The following NCAM2 variants were observed in gnomAD, a reference collection of about 807,000 sequenced individuals.
NCAM2 encodes N-CAM-2.
NCAM2 carries 30 observed loss-of-function variants against 98.1 expected under a neutral mutation model. The ratio of observed to expected loss-of-function variants is 0.31; its 90% CI spans 0.23 to 0.41. NCAM2 has a LOEUF of 0.41. Ranked by LOEUF, NCAM2 falls within the 10% of genes least tolerant of loss-of-function variation. The pLI is 1.00. For synonymous variants in NCAM2, 368 were observed against 342.4 expected, an observed-to-expected ratio of 1.07 and a Z score of -0.83; for missense variants, 867 against 1,005.8, an observed-to-expected ratio of 0.86 and a Z score of 1.87.
rs117174149 is a variant in NCAM2, at chr21:21,297,807, C to T, written c.619+5566C>T. 1.4e-3 allele frequency among the ~76,000 whole-genome samples: 219 copies of T among 151,442 alleles called. 2 individuals carry two copies. The East Asian group carries it at 0.034, about 23-fold the overall frequency. On this transcript the variant is annotated intron_variant, in intron 5 of 17. Transcript: ENST00000400546. ...CTTAAAATACAGTCAGTAGAGTGTT[C>T]ATTTTATAAAATGTTCTTCTAACGT...
intron 9 of NCAM2, among the ~76,000 whole-genome samples, chr21:21,401,387 T>C (rs1386412672): frequency 6.6e-6 from 1 of 152,192 alleles, no homozygotes; most frequent in Non-Finnish European, 1.5e-5. Flanking sequence ...TGTCATCTTA[T>C]TGGGTAATAC....
intron 1 of NCAM2, among the ~76,000 whole-genome samples, chr21:21,190,505 G>A (rs533584110): frequency 6.6e-6 from 1 of 152,304 alleles, no homozygotes; most frequent in South Asian, 2.1e-4. Flanking sequence ...GTTCGACTCT[G>A]AGTCTTCTTC....
chr21:21,087,476 G>C (rs1418230000), intron 1 of NCAM2, among the ~76,000 whole-genome samples: 1 of 152,106 alleles, frequency 6.6e-6, no homozygotes, highest in East Asian at 1.9e-4. Context: ...CTGATAACCT[G>C]TTCTCCTATT....
chr21:21,430,153 C>G (rs2077300514), intron 11 of NCAM2, among the ~76,000 whole-genome samples: 1 of 151,828 alleles, frequency 6.6e-6, no homozygotes, highest in Non-Finnish European at 1.5e-5. Context: ...TTCAGCCTCC[C>G]AAGCAGCTGG....
chr21:21,533,413 T>TATTTATTATAATAAAAATGTTA, intron 16 of NCAM2, among the ~76,000 whole-genome samples: 1 of 151,902 alleles, frequency 6.6e-6, no homozygotes, highest in Non-Finnish European at 1.5e-5. Flanking sequence ...GTTGCCTTAG[T>TATTTATTATAATAAAAATGTTA]AAATATATTT....
At chr21:21,463,448 T>C (rs1307560702) in intron 12 of NCAM2, among the ~76,000 whole-genome samples, 2 of 152,140 alleles carry the variant, frequency 1.3e-5, no homozygotes, top group Non-Finnish European at 2.9e-5. Context: ...TTGCAAAACT[T>C]ACATCAGTAG....
rs577460535 is a variant in NCAM2, at chr21:21,072,642, T to C, written c.55+74024T>C. ...AACGTTTCATTGAAACTTTCAAACA[T>C]GGAAATTCTGCTTGTATTACTAAAA... is the stretch of plus-strand genomic sequence containing the variant. On this transcript the variant is annotated intron_variant, in intron 1 of 17. Transcript: ENST00000400546. Among the ~76,000 whole-genome samples, 27 of 152,290 alleles carry C rather than the reference T, an allele frequency of 1.8e-4. No homozygotes were observed. The South Asian group carries it at 5.6e-3, about 32-fold the overall frequency.
At chr21:21,165,121 G>A (rs919931476) in intron 1 of NCAM2, among the ~76,000 whole-genome samples, 3 of 152,094 alleles carry the variant, frequency 2.0e-5, no homozygotes, top group African/African-American at 7.2e-5. Context: ...TGTTCATTCA[G>A]GGAAAAGATA....
At chr21:21,035,076 C>G (rs1256696108) in intron 1 of NCAM2, among the ~76,000 whole-genome samples, 2 of 152,100 alleles carry the variant, frequency 1.3e-5, no homozygotes, top group East Asian at 1.9e-4. Context: ...TCAGACCTGT[C>G]AAAAAGTAGC....
At chr21:21,136,290 A>G (rs1388521592) in intron 1 of NCAM2, among the ~76,000 whole-genome samples, 1 of 152,172 alleles carries the variant, frequency 6.6e-6, no homozygotes, top group Admixed American at 6.5e-5. Context: ...AACTAACTTT[A>G]AGGGTGAAGG....
chr21:21,263,636 C>G (rs1280711657), intron 1 of NCAM2, among the ~76,000 whole-genome samples: 1 of 152,086 alleles, frequency 6.6e-6, no homozygotes, highest in Non-Finnish European at 1.5e-5. Context: ...ACAAAAACAG[C>G]ATATTACTGG....
At chr21:21,203,510 G>A (rs962620) in intron 1 of NCAM2, among the ~76,000 whole-genome samples, 135,128 of 152,160 alleles carry the variant, frequency 0.89, 60,646 homozygotes, top group Non-Finnish European at 0.96. Context: ...ATGTCAGGGT[G>A]AGTGAATTTA....
chr21:21,358,663 A>G (rs2075562148), intron 8 of NCAM2, among the ~76,000 whole-genome samples: 1 of 152,082 alleles, frequency 6.6e-6, no homozygotes, highest in South Asian at 2.1e-4. Context: ...TATATAAAAT[A>G]GAGCTTAATG....
chr21:21,460,086 T>A lies in NCAM2; in HGVS notation c.1655-6520T>A, dbSNP rs189699957. Among the ~76,000 whole-genome samples the A allele has an allele frequency of 3.7e-3, 561 of 152,078 alleles. 5 individuals are homozygous for A. Among genetic ancestry groups the A allele is most frequent in the African/African-American group, 0.012 (502 of 41,542 alleles). On this transcript the variant is annotated intron_variant, in intron 12 of 17. Coordinates refer to ENST00000400546, the MANE Select transcript of NCAM2 (RefSeq NM_004540.5). ...AATATATATAATTTTATTGGTAAAT[T>A]ATCTCTCAATAAAGCTGGGAGAAAA...
chr21:21,084,052 A>C (rs901248262), intron 1 of NCAM2, among the ~76,000 whole-genome samples: 5 of 152,196 alleles, frequency 3.3e-5, no homozygotes, highest in Non-Finnish European at 5.9e-5. Flanking sequence ...GGGAAGACCT[A>C]GATCAAAAAG....
In NCAM2 at chr21:21,143,738, A is replaced by G. The variant is rs949641002; in HGVS notation, c.56-136840A>G. 3.5e-4 allele frequency among the ~76,000 whole-genome samples: 51 copies of G among 146,004 alleles called. 1 individual carries two copies. Among genetic ancestry groups the G allele is most frequent in the African/African-American group, 1.1e-3 (45 of 39,738 alleles). The stretch of plus-strand genomic sequence containing the variant: ...CCATCTCTTCATGCACCAAAAACGC[A>G]TTATTTAAAATATGTTTGGTGTCTT... On this transcript the variant is annotated intron_variant, in intron 1 of 17. Transcript: ENST00000400546.
At chr21:21,048,231 A>G (rs1386247960) in intron 1 of NCAM2, among the ~76,000 whole-genome samples, 2 of 152,238 alleles carry the variant, frequency 1.3e-5, no homozygotes, top group African/African-American at 4.8e-5. Context: ...TAACCTAAAC[A>G]TTTCATTTCT....
At chr21:21,163,769 C>A (rs559749542) in intron 1 of NCAM2, among the ~76,000 whole-genome samples, 1 of 152,156 alleles carries the variant, frequency 6.6e-6, no homozygotes, top group Non-Finnish European at 1.5e-5. Flanking sequence ...ACCATCATCA[C>A]TGCTATTTTT....
intron 1 of NCAM2, among the ~76,000 whole-genome samples, chr21:21,150,773 T>G (rs1342230056): frequency 1.3e-5 from 2 of 151,942 alleles, no homozygotes; most frequent in Non-Finnish European, 2.9e-5. Context: ...TCTGGTAATA[T>G]ATTTTTCTGC....
Sources: allele counts gnomAD v4.1 joint callset (sites outside exome capture counted in the v4.1 genomes callset), GRCh38; gene constraint gnomAD v4.1.1; transcripts MANE v1.5; gene names NCBI Gene and HGNC (gene_info 2026-07-23, HGNC 2026-07-21).